The following DENND3 variants were observed in gnomAD, a reference collection of about 807,000 sequenced individuals.
DENND3 encodes the protein DENN domain containing 3.
DENND3 carries 88 observed loss-of-function variants against 135.1 expected under a neutral mutation model. That is an observed-to-expected ratio of 0.65 (90% CI 0.55 to 0.78). The LOEUF (loss-of-function observed/expected upper bound fraction) is 0.78. Among genes scored for constraint, DENND3 ranks in the 30% least tolerant of loss-of-function variants. The pLI, the probability that DENND3 is intolerant of heterozygous loss-of-function variation, is 0.00. For missense variants in DENND3, 1,392 were observed against 1,688.4 expected, an observed-to-expected ratio of 0.82 and a Z score of 3.08; for synonymous variants, 693 against 712.3, an observed-to-expected ratio of 0.97 and a Z score of 0.43.
Position 141,192,351 on chromosome 8 carries a change from G to A in DENND3, c.3400G>A (p.Val1134Ile), listed in dbSNP as rs1279033881. The A allele has an allele frequency of 6.2e-7, 1 of 1,614,006 alleles. No individual in the cohort carries two copies. Among genetic ancestry groups the A allele is most frequent in the Non-Finnish European group, 8.5e-7 (1 of 1,180,010 alleles). Residue 1134 changes from valine (V) to isoleucine (I), a missense_variant, in exon 21 of 23, where the codon GTC (valine) becomes ATC (isoleucine). Val to Ile is a conservative substitution (Grantham distance 29). Transcript: ENST00000519811. ...CACAGGCACAGGTAACAGCATCATG[G>A]TCATGAAAATGAATGGATCCCTCCA... is the stretch of plus-strand genomic sequence containing the variant. ...LWCCTGNSIMVMKMNGSLHQE... is the reference protein window; with the variant it reads ...LWCCTGNSIMIMKMNGSLHQE...
chr8:141,187,190 A>C (rs147976529), intron 18 of DENND3, among the ~76,000 whole-genome samples: 2 of 150,068 alleles, frequency 1.3e-5, no homozygotes, highest in Non-Finnish European at 3.0e-5. Flanking sequence ...TTTTTTTTAC[A>C]TGTTTAATGT....
At chr8:141,136,402 TG>T in intron 1 of DENND3, 106 bp from the exon 2 acceptor site, 1 of 1,202,648 alleles carries the variant, frequency 8.3e-7, no homozygotes, top group Non-Finnish European at 1.1e-6. Flanking sequence ...CCAGTGTTTA[TG>T]GGCACCGAGG....
At chr8:141,184,570 G>A (rs1000455083) in intron 17 of DENND3, 1 of 152,352 alleles carries the variant, frequency 6.6e-6, no homozygotes, top group Non-Finnish European at 1.5e-5. Context: ...GGGATGGCCA[G>A]TTCAAGCCAT....
Position 141,154,809 on chromosome 8 carries a change from C to G in DENND3, c.1075-1040C>G, listed in dbSNP as rs369900180. ...AACTCCTGATCTCAGGTGATCCACC[C>G]ACCTCGGCCTCCCAAAGTGTTGGGA... On this transcript the variant is annotated intron_variant, in intron 7 of 22. Transcript: ENST00000519811. This position sits in a 1 kb window ranked among gnomAD's most constrained non-coding sequence, Gnocchi z 4.4. 6.6e-5 allele frequency among the ~76,000 whole-genome samples: 10 copies of G among 152,306 alleles called. No homozygotes were observed. Among genetic ancestry groups the G allele is most frequent in the African/African-American group, 2.4e-4 (10 of 41,574 alleles).
At chr8:141,142,469 T>C in intron 4 of DENND3, 2 of 444,206 alleles carry the variant, frequency 4.5e-6, no homozygotes, top group Non-Finnish European at 9.0e-6. Flanking sequence ...GCAGGAACCT[T>C]ACTGTTCAAA....
At position 141,150,959 on chromosome 8, in the gene DENND3, C is replaced by T. The variant is rs747126975; in HGVS notation, c.855+6C>T. The T allele has an allele frequency of 4.4e-5, 67 of 1,532,326 alleles. No individual in the cohort carries two copies. Among genetic ancestry groups the T allele is most frequent in the Non-Finnish European group, 5.6e-5 (64 of 1,144,742 alleles). 94.9% of individuals were successfully genotyped at this position (1,532,326 alleles called of 1,614,324 possible). ...GGCCTGAGAAGGTGCTACAGGTACG[C>T]GGCCCCGCCCCGGCGAGCGCGTCTT... On this transcript the variant is annotated splice_donor_region_variant and intron_variant, in intron 6 of 22. Transcript: ENST00000519811.
At chr8:141,134,800 G>A (rs10108658) in intron 1 of DENND3, among the ~76,000 whole-genome samples, 14,042 of 152,144 alleles carry the variant, frequency 0.092, 2,194 homozygotes, top group African/African-American at 0.32. Context: ...TGCGTTTTCT[G>A]TCAGCCAAGG....
At position 141,150,964 on chromosome 8, in the gene DENND3, C is replaced by T. The variant is rs767561280; in HGVS notation, c.855+11C>T. 43 of 1,528,988 alleles carry T rather than the reference C, an allele frequency of 2.8e-5. No homozygotes were observed. The highest frequency in any genetic ancestry group is 3.4e-5 in the Non-Finnish European group (39 of 1,143,276). 94.7% of individuals were successfully genotyped at this position (1,528,988 alleles called of 1,614,324 possible). On this transcript the variant is annotated intron_variant, in intron 6 of 22. Transcript: ENST00000519811. ...GAGAAGGTGCTACAGGTACGCGGCC[C>T]CGCCCCGGCGAGCGCGTCTTGTGCT...
At position 141,160,654 on chromosome 8, in the gene DENND3, C is replaced by G; in HGVS notation, c.1219C>G (p.His407Asp). The change falls in exon 9 of 23, where the codon CAT becomes GAT. Residue 407 changes from histidine (H) to aspartate (D), a missense_variant. By Grantham distance (81) the His-to-Asp change is moderately conservative. Coordinates refer to ENST00000519811, the MANE Select transcript of DENND3 (RefSeq NM_001352890.3). ...CAGGGTGCAGAGCCTCCAGCTCCAC[C>G]ATGAGCTGCACGCCGCCCACCTCCT... Reference protein sequence around the residue: ...IQRVQSLQLHHELHAAHLLSS... With the variant: ...IQRVQSLQLHDELHAAHLLSS... 6.2e-7 allele frequency: 1 copy of G among 1,608,780 alleles called. No homozygotes were observed. Among genetic ancestry groups the G allele is most frequent in the Non-Finnish European group, 8.5e-7 (1 of 1,176,504 alleles).
rs760818728 is a variant in DENND3, at chr8:141,185,248, G to C, written c.3054G>C (p.Gln1018His). ...VFNASSWTIH[Q>H]HSFKVGTAKV... ...ATGCTTCTTCATGGACCATCCACCA[G>C]CACTCCTTTAAAGTGGGCACTGCAA... Residue 1018 changes from glutamine (Q) to histidine (H), a missense_variant, in exon 18 of 23, where the codon CAG (glutamine) becomes CAC (histidine). Coordinates refer to ENST00000519811, the MANE Select transcript of DENND3 (RefSeq NM_001352890.3). The C allele has an allele frequency of 1.2e-6, 2 of 1,614,190 alleles. No individual in the cohort carries two copies. Among genetic ancestry groups the C allele is most frequent in the Admixed American group, 3.3e-5 (2 of 60,020 alleles).
chr8:141,159,664 A>C (rs1303995288), intron 8 of DENND3, among the ~76,000 whole-genome samples: 3 of 152,232 alleles, frequency 2.0e-5, no homozygotes, highest in Admixed American at 6.5e-5. Flanking sequence ...TATGGCATAC[A>C]GTAGGTGCTC....
At chr8:141,151,014 C>G (rs1569555662) in intron 6 of DENND3, 61 bp downstream of exon 6, 1 of 1,464,732 alleles carries the variant, frequency 6.8e-7, no homozygotes, top group Non-Finnish European at 9.0e-7. Flanking sequence ...GGCATCAGAG[C>G]AACGATCAGA....
At position 141,155,883 on chromosome 8, in the gene DENND3, A is replaced by C; in HGVS notation, c.1109A>C (p.His370Pro). 6.2e-7 allele frequency: 1 copy of C among 1,612,368 alleles called. No homozygotes were observed. Among genetic ancestry groups the C allele is most frequent in the Non-Finnish European group, 8.5e-7 (1 of 1,179,000 alleles). ...GGTTTAGTTCTGATAAATATTGATC[A>C]TGGGAGCATCACCTACTCCAAGTCC... ...ADGLVLINIDHGSITYSKSTD... is the reference protein window; with the variant it reads ...ADGLVLINIDPGSITYSKSTD... Residue 370 changes from histidine to proline, a missense_variant, in exon 8 of 23, where the codon CAT becomes CCT. Transcript: ENST00000519811.
In DENND3 at chr8:141,141,183, C is replaced by T. The variant is rs753841108; in HGVS notation, c.502-20C>T. ...TGCCAAGGTGGGGAGGTGACCATGT[C>T]GCTGTTGCTTTTCATGTAGGATGAG... On this transcript the variant is annotated intron_variant, in intron 3 of 22. Coordinates refer to ENST00000519811, the MANE Select transcript of DENND3 (RefSeq NM_001352890.3). The surrounding 1 kb of genome is among the most constrained non-coding windows in gnomAD (Gnocchi z 5.3). 5.8e-5 allele frequency: 93 copies of T among 1,613,996 alleles called. No individual in the cohort carries two copies. Among genetic ancestry groups the T allele is most frequent in the Middle Eastern group, 1.6e-4 (1 of 6,078 alleles).
chr8:141,132,349 T>G (rs1816224397), intron 1 of DENND3, among the ~76,000 whole-genome samples: 1 of 152,146 alleles, frequency 6.6e-6, no homozygotes, highest in Non-Finnish European at 1.5e-5. Flanking sequence ...CTTTATTATT[T>G]CTATATTTAT....
intron 8 of DENND3, chr8:141,157,327 C>T (rs1044163533): frequency 4.1e-6 from 4 of 985,280 alleles, no homozygotes; most frequent in African/African-American, 1.7e-5. Context: ...GTGCCCCAAG[C>T]AGTGACTCAG....
chr8:141,162,190 G>A (rs1246290495), intron 9 of DENND3, among the ~76,000 whole-genome samples: 1 of 152,196 alleles, frequency 6.6e-6, no homozygotes, highest in East Asian at 1.9e-4. Flanking sequence ...ACAGACATGT[G>A]ATATTATCTC....
Position 141,195,344 on chromosome 8 carries a change from G to A in DENND3, c.*1111G>A, listed in dbSNP as rs1191350894. On this transcript the variant is annotated 3_prime_UTR_variant, in exon 23 of 23. Coordinates refer to ENST00000519811, the MANE Select transcript of DENND3 (RefSeq NM_001352890.3). ...ACCCATCCACAAGCTGGGCCACGGA[G>A]CTCCAGCTTCTCAGGACAAAGCCCC... 2 of 152,350 alleles carry A rather than the reference G, an allele frequency of 1.3e-5. No individual in the cohort carries two copies. The highest frequency in any genetic ancestry group is 4.8e-5 in the African/African-American group (2 of 41,472). The allele number at this position is 152,350 out of a possible 1,614,324, so 9.4% of individuals were successfully genotyped here.
At chr8:141,172,266 T>C (rs1821715689) in intron 13 of DENND3, among the ~76,000 whole-genome samples, 1 of 152,158 alleles carries the variant, frequency 6.6e-6, no homozygotes, top group Admixed American at 6.5e-5. Context: ...GTGGTGGGTT[T>C]GCACAGTGAC....
Sources: allele counts gnomAD v4.1 joint callset (sites outside exome capture counted in the v4.1 genomes callset), GRCh38; gene constraint gnomAD v4.1.1; non-coding constraint Gnocchi (gnomAD v3.1); transcripts MANE v1.5; gene names NCBI Gene and HGNC (gene_info 2026-07-23, HGNC 2026-07-21).